The following ROBO1 variants were observed in gnomAD, a reference collection of about 807,000 sequenced individuals.
ROBO1 encodes roundabout guidance receptor 1.
In ROBO1, 149 loss-of-function variants were observed where a neutral mutation model predicts 195.9. The ratio of observed to expected loss-of-function variants is 0.76; its 90% CI spans 0.67 to 0.87. The LOEUF is 0.87. Among genes scored for constraint, ROBO1 ranks in the 40% least tolerant of loss-of-function variants. The pLI is 0.00. For synonymous variants in ROBO1, 816 were observed against 733.2 expected (o/e 1.11, Z -1.82); for missense variants, 1,933 against 2,068.3 (o/e 0.93, Z 1.27).
At chr3:78,693,943 T>C (rs999109128) in intron 8 of ROBO1, among the ~76,000 whole-genome samples, 1 of 152,168 alleles carries the variant, frequency 6.6e-6, no homozygotes, top group Non-Finnish European at 1.5e-5. Flanking sequence ...CTGGAGATTT[T>C]GCATTTTTAA....
At chr3:79,321,901 T>C (rs549140561) in intron 2 of ROBO1, among the ~76,000 whole-genome samples, 1 of 152,294 alleles carries the variant, frequency 6.6e-6, no homozygotes, top group East Asian at 1.9e-4. Flanking sequence ...TTAGCTGAGG[T>C]AAGTAGTTTC....
intron 10 of ROBO1, among the ~76,000 whole-genome samples, chr3:78,675,685 T>C (rs1708375674): frequency 6.6e-6 from 1 of 152,110 alleles, no homozygotes. Context: ...TCGAACTGGG[T>C]GGAGCCCACC....
At chr3:79,407,151 C>T (rs1453315012) in intron 2 of ROBO1, among the ~76,000 whole-genome samples, 2 of 152,108 alleles carry the variant, frequency 1.3e-5, no homozygotes, top group African/African-American at 2.4e-5. Flanking sequence ...TGGTCTTGAA[C>T]TCCTGACCTC....
intron 2 of ROBO1, among the ~76,000 whole-genome samples, chr3:79,128,580 A>AT (rs2080261221): frequency 1.3e-5 from 2 of 152,152 alleles, no homozygotes; most frequent in South Asian, 4.1e-4. Flanking sequence ...CTCAAATGCT[A>AT]TTGTACATCC....
At chr3:79,643,199 G>T (rs770620144) in intron 1 of ROBO1, among the ~76,000 whole-genome samples, 1 of 152,112 alleles carries the variant, frequency 6.6e-6, no homozygotes, top group Non-Finnish European at 1.5e-5. Context: ...TGGACTCTAC[G>T]TTCTTCAGAT....
intron 2 of ROBO1, among the ~76,000 whole-genome samples, chr3:79,492,512 C>G (rs980615230): frequency 6.7e-6 from 1 of 148,734 alleles, no homozygotes; most frequent in Non-Finnish European, 1.5e-5. Context: ...GAGTTATTTT[C>G]TCATAAACTT....
chr3:78,704,121 G>A (rs2081489889), intron 8 of ROBO1, among the ~76,000 whole-genome samples: 1 of 152,116 alleles, frequency 6.6e-6, no homozygotes, highest in Non-Finnish European at 1.5e-5. Flanking sequence ...CTGCAAAAAG[G>A]TCCCTTGACA....
chr3:79,490,579 T>C (rs1205248706), intron 2 of ROBO1, among the ~76,000 whole-genome samples: 1 of 152,222 alleles, frequency 6.6e-6, no homozygotes, highest in African/African-American at 2.4e-5. Flanking sequence ...GGTGAAGAGT[T>C]CGGCTTCTAG....
chr3:78,616,380 C>A (rs1575780649), intron 27 of ROBO1, among the ~76,000 whole-genome samples: 1 of 152,156 alleles, frequency 6.6e-6, no homozygotes, highest in Non-Finnish European at 1.5e-5. Flanking sequence ...GAATAAAAAA[C>A]CATATTTGAT....
At chr3:78,939,341 G>A (rs761430041) in intron 3 of ROBO1, among the ~76,000 whole-genome samples, 10 of 151,938 alleles carry the variant, frequency 6.6e-5, no homozygotes, top group South Asian at 2.1e-4. Flanking sequence ...GTGGCCCGGC[G>A]CGGGGGCTCA....
chr3:78,748,676 T>C (rs1400380589), intron 4 of ROBO1, among the ~76,000 whole-genome samples: 1 of 152,110 alleles, frequency 6.6e-6, no homozygotes, highest in East Asian at 1.9e-4. Context: ...TTTAAATTTT[T>C]TCCTTCCTCA....
intron 2 of ROBO1, among the ~76,000 whole-genome samples, chr3:79,536,580 A>G (rs1575986611): frequency 1.3e-5 from 2 of 152,188 alleles, no homozygotes; most frequent in Non-Finnish European, 2.9e-5. Context: ...AATTTTTCAA[A>G]GCATTTGTTG....
At chr3:79,475,589 T>C (rs1015915033) in intron 2 of ROBO1, among the ~76,000 whole-genome samples, 1 of 151,962 alleles carries the variant, frequency 6.6e-6, no homozygotes, top group East Asian at 1.9e-4. Flanking sequence ...GAGGAGAGTA[T>C]TTTGGAATAT....
chr3:78,617,887 T>C lies in ROBO1; in HGVS notation c.4030A>G (p.Arg1344Gly), dbSNP rs1065217. Residue 1344 changes from arginine to glycine, a missense_variant, in exon 27 of 31, where the codon AGA (arginine) becomes GGA (glycine). Physicochemically the swap from Arg to Gly is moderately radical, Grantham distance 125. Around this residue, in one of 3 missense-constraint regions of ROBO1, gnomAD observed 1,737 missense variants for 1,882.5 expected, o/e 0.92. Transcript: ENST00000464233. Reference sequence around the variant, plus strand: ...TCAAGCCCACGTAACAAAAGCCTTCTGGTTTGCATCTTGGCTACCTCCATG... The same window carrying C: ...TCAAGCCCACGTAACAAAAGCCTTCCGGTTTGCATCTTGGCTACCTCCATG... ...ADMEVAKMQT[R>G]RLLLRGLEQT... The C allele has an allele frequency of 3.7e-6, 6 of 1,613,994 alleles. No individual in the cohort carries two copies. In the South Asian group the frequency reaches 5.5e-5, roughly 15 times the overall value.
intron 4 of ROBO1, among the ~76,000 whole-genome samples, chr3:78,749,896 A>C (rs1422335319): frequency 6.6e-6 from 1 of 152,158 alleles, no homozygotes; most frequent in Non-Finnish European, 1.5e-5. Flanking sequence ...TGGAATTGTC[A>C]AAAAGGTCTA....
At position 79,301,862 on chromosome 3, in the gene ROBO1, T is replaced by A. The variant is rs138508305; in HGVS notation, c.89-176323A>T. Among the ~76,000 whole-genome samples the A allele has an allele frequency of 6.4e-3, 974 of 152,262 alleles. 9 individuals carry two copies. The highest frequency in any genetic ancestry group is 0.022 in the African/African-American group (904 of 41,546). On this transcript the variant is annotated intron_variant, in intron 2 of 30. Coordinates refer to ENST00000464233, the MANE Select transcript of ROBO1 (RefSeq NM_002941.4). ...GAAACAGCTTTGGAAAATAAAATAT[T>A]TCTGACCTCATAAAATCAATATAAT...
chr3:79,242,637 T>C (rs2082541389), intron 2 of ROBO1, among the ~76,000 whole-genome samples: 1 of 152,192 alleles, frequency 6.6e-6, no homozygotes, highest in Admixed American at 6.5e-5. Flanking sequence ...GCATCACTTA[T>C]TACATTCACC....
At chr3:79,492,487 A>T (rs1169661674) in intron 2 of ROBO1, among the ~76,000 whole-genome samples, 1 of 151,082 alleles carries the variant, frequency 6.6e-6, no homozygotes, top group African/African-American at 2.4e-5. Context: ...ATTTTAAATT[A>T]TGAAAACCAT....
chr3:78,851,552 A>T (rs78932086), intron 4 of ROBO1, among the ~76,000 whole-genome samples: 4,185 of 152,232 alleles, frequency 0.027, 142 homozygotes, highest in African/African-American at 0.085. Flanking sequence ...ACATTCAATA[A>T]CTGTTAGCTG....
Sources: allele counts gnomAD v4.1 joint callset (sites outside exome capture counted in the v4.1 genomes callset), GRCh38; gene constraint gnomAD v4.1.1; regional missense constraint gnomAD v4.1.1; transcripts MANE v1.5; gene names NCBI Gene and HGNC (gene_info 2026-07-23, HGNC 2026-07-21).